IQCK: variants seen among roughly 807,000 people sequenced by gnomAD.
IQCK encodes IQ domain-containing protein K.
Under a neutral mutation model 28.1 loss-of-function variants are expected in IQCK, and 29 were observed. That is an observed-to-expected ratio of 1.03 (90% confidence interval 0.77 to 1.41). The LOEUF (loss-of-function observed/expected upper bound fraction) is 1.41, where lower values mean the gene tolerates loss of function less well. Among genes scored for constraint, IQCK ranks in the 40% most tolerant of loss-of-function variants. IQCK has a pLI of 0.00. For synonymous variants in IQCK, 113 were observed against 115.1 expected (o/e 0.98, Z 0.12); for missense variants, 359 against 314.7 (o/e 1.14, Z -1.07).
Position 19,856,469 on chromosome 16 carries a change from C to T in IQCK, c.803-18C>T. ...CGTATGTAAATTGATCCTGACTTTCCCTTTCTTTTCTTTGCAGTGAAATGC... is the reference window on the plus strand; with the variant it reads ...CGTATGTAAATTGATCCTGACTTTCTCTTTCTTTTCTTTGCAGTGAAATGC... On this transcript the variant is annotated intron_variant, in intron 9 of 9. Coordinates refer to the IQCK transcript ENST00000320394. 1 of 1,609,776 alleles carries T rather than the reference C, an allele frequency of 6.2e-7. No individual in the cohort carries two copies. The highest frequency in any genetic ancestry group is 8.5e-7 in the Non-Finnish European group (1 of 1,176,642).
chr16:19,805,844 G>A (rs891666704), intron 7 of IQCK, among the ~76,000 whole-genome samples: 5 of 144,980 alleles, frequency 3.4e-5, no homozygotes, highest in African/African-American at 5.0e-5. Context: ...GAGGCTAGAG[G>A]TTTTTCAAAG....
chr16:19,765,271 C>G (rs2055216413), intron 6 of IQCK, among the ~76,000 whole-genome samples: 2 of 149,332 alleles, frequency 1.3e-5, no homozygotes, highest in African/African-American at 4.9e-5. Context: ...GGCATGGTGG[C>G]TTATGCCTGT....
At chr16:19,771,504 A>G (rs983906399) in intron 6 of IQCK, among the ~76,000 whole-genome samples, 12 of 152,188 alleles carry the variant, frequency 7.9e-5, no homozygotes, top group Non-Finnish European at 1.6e-4. Flanking sequence ...GATCACCTAC[A>G]TTTTGCTGAA....
chr16:19,729,887 G>A (rs1193269679), intron 1 of IQCK, among the ~76,000 whole-genome samples: 2 of 151,300 alleles, frequency 1.3e-5, no homozygotes, highest in South Asian at 2.1e-4. Flanking sequence ...CTTGTGATCC[G>A]CCCGCCTCTG....
intron 4 of IQCK, among the ~76,000 whole-genome samples, chr16:19,753,623 G>A (rs979903710): frequency 5.9e-5 from 9 of 152,038 alleles, no homozygotes; most frequent in East Asian, 1.9e-4. Flanking sequence ...CTTGGTTAGG[G>A]TGCATTATGT....
chr16:19,725,717 A>G (rs1042416999), intron 1 of IQCK, among the ~76,000 whole-genome samples: 35 of 152,196 alleles, frequency 2.3e-4, no homozygotes, highest in Admixed American at 9.2e-4. Context: ...GGGAAAACTG[A>G]CATTCTCAAA....
At chr16:19,818,904 C>T (rs867215222) in intron 7 of IQCK, among the ~76,000 whole-genome samples, 1 of 151,970 alleles carries the variant, frequency 6.6e-6, no homozygotes, top group South Asian at 2.1e-4. Flanking sequence ...TTGACAAGAC[C>T]GTCTATCCAA....
chr16:19,815,622 G>A (rs112729080), intron 7 of IQCK, among the ~76,000 whole-genome samples: 27 of 152,308 alleles, frequency 1.8e-4, no homozygotes, highest in African/African-American at 5.8e-4. Context: ...AGTGAGCTGC[G>A]ATTGCACCAC....
At chr16:19,765,729 C>T (rs1392217525) in intron 6 of IQCK, among the ~76,000 whole-genome samples, 3 of 151,840 alleles carry the variant, frequency 2.0e-5, no homozygotes, top group Non-Finnish European at 4.4e-5. Flanking sequence ...ATAGGAAAAC[C>T]TTGTTTCTTA....
At chr16:19,732,573 G>T (rs533123837) in intron 2 of IQCK, among the ~76,000 whole-genome samples, 121 of 152,224 alleles carry the variant, frequency 7.9e-4, no homozygotes, top group African/African-American at 2.7e-3. Flanking sequence ...CGATCTTCCC[G>T]CCTTTTCCTC....
chr16:19,832,655 G>A (rs967632810), intron 9 of IQCK, among the ~76,000 whole-genome samples: 2 of 152,022 alleles, frequency 1.3e-5, no homozygotes, highest in African/African-American at 4.8e-5. Flanking sequence ...TTTAATATTC[G>A]TATACTGTAT....
intron 9 of IQCK, among the ~76,000 whole-genome samples, chr16:19,853,399 C>T (rs1265084112): frequency 6.6e-6 from 1 of 152,158 alleles, no homozygotes; most frequent in East Asian, 1.9e-4. Flanking sequence ...TAAAGAGATA[C>T]TAAGGGGCTT....
Position 19,769,163 on chromosome 16 carries a change from G to A in IQCK, c.605+5051G>A, listed in dbSNP as rs565212533. Among the ~76,000 whole-genome samples, 13 of 152,308 alleles carry A rather than the reference G, an allele frequency of 8.5e-5. No homozygotes were observed. The South Asian group carries it at 2.5e-3, about 29-fold the overall frequency. On this transcript the variant is annotated intron_variant, in intron 6 of 7. Transcript: ENST00000564186. ...GAGTGAAAGATTTGGGCACAAGAAGGAAGCATGGTACCTTTTATGACCTAG... is the reference window on the plus strand; with the variant it reads ...GAGTGAAAGATTTGGGCACAAGAAGAAAGCATGGTACCTTTTATGACCTAG...
chr16:19,784,784 T>C (rs1018211228), intron 6 of IQCK, among the ~76,000 whole-genome samples: 28 of 152,194 alleles, frequency 1.8e-4, no homozygotes, highest in Non-Finnish European at 2.6e-4. Context: ...TTTTTTTCTT[T>C]TTGAGATGGA....
chr16:19,756,318 A>G (rs2055051674), intron 4 of IQCK, among the ~76,000 whole-genome samples: 1 of 152,196 alleles, frequency 6.6e-6, no homozygotes, highest in Non-Finnish European at 1.5e-5. Context: ...AGCTGATTGA[A>G]ATGTTCATGT....
intron 4 of IQCK, among the ~76,000 whole-genome samples, chr16:19,741,340 A>G (rs2054832019): frequency 6.6e-6 from 1 of 152,164 alleles, no homozygotes; most frequent in Non-Finnish European, 1.5e-5. Context: ...ATACCCTTTC[A>G]GAGGGCACAA....
chr16:19,743,784 A>G (rs2054868970), intron 4 of IQCK, among the ~76,000 whole-genome samples: 2 of 152,246 alleles, frequency 1.3e-5, no homozygotes, highest in Admixed American at 6.5e-5. Context: ...CTGACATGAA[A>G]GATGGGTCTG....
At chr16:19,809,621 A>G (rs1209637151) in intron 7 of IQCK, among the ~76,000 whole-genome samples, 1 of 152,244 alleles carries the variant, frequency 6.6e-6, no homozygotes, top group East Asian at 1.9e-4. Flanking sequence ...AGCCTTGCCT[A>G]GATTCAAGAG....
intron 1 of IQCK, among the ~76,000 whole-genome samples, chr16:19,724,766 T>C (rs1977603913): frequency 6.6e-6 from 1 of 152,148 alleles, no homozygotes. Context: ...TCTCCTGACC[T>C]TGTGATCTGC....
Sources: gnomAD v4.1 joint callset for allele counts (sites outside exome capture counted in the v4.1 genomes callset) on GRCh38, gnomAD v4.1.1 for gene constraint, MANE v1.5 for transcripts, NCBI Gene and HGNC (gene_info 2026-07-23, HGNC 2026-07-21) for gene names.